Variants in SCP2 observed in about 807,000 individuals in gnomAD.
SCP2 encodes the protein SCP-2/3-oxoacyl-CoA thiolase.
A neutral mutation model predicts 71.4 loss-of-function variants in SCP2; 48 were observed. The ratio of observed to expected loss-of-function variants is 0.67; its 90% CI spans 0.53 to 0.86. SCP2 has a LOEUF of 0.86. SCP2 is among the 40% of genes least tolerant of loss of function. The pLI, the probability that SCP2 is intolerant of heterozygous loss-of-function variation, is 0.00. For missense variants in SCP2, 560 were observed against 655.6 expected (o/e 0.85, Z 1.59); for synonymous variants, 220 against 218.1 (o/e 1.01, Z -0.08).
At chr1:53,010,640 A>AG (rs1248285620) in intron 11 of SCP2, among the ~76,000 whole-genome samples, 1 of 152,226 alleles carries the variant, frequency 6.6e-6, no homozygotes, top group East Asian at 1.9e-4. Context: ...GGGTGGGGGA[A>AG]GGGGGAAGGG....
chr1:52,971,088 G>A (rs1334685526), intron 6 of SCP2, among the ~76,000 whole-genome samples: 3 of 144,166 alleles, frequency 2.1e-5, no homozygotes, highest in African/African-American at 5.2e-5. Flanking sequence ...CCATTCTCCC[G>A]CCTCAGCCTC....
At chr1:52,994,756 C>T in intron 11 of SCP2, 1 of 682,562 alleles carries the variant, frequency 1.5e-6, no homozygotes, top group Admixed American at 2.3e-5. Flanking sequence ...CCAGGCCTGT[C>T]AGTGTGGCAA....
At chr1:52,930,659 T>A (rs1043713078) in intron 1 of SCP2, among the ~76,000 whole-genome samples, 3 of 152,106 alleles carry the variant, frequency 2.0e-5, no homozygotes, top group Non-Finnish European at 4.4e-5. Context: ...CCTGCTAAAT[T>A]GATTTGGTCA....
intron 5 of SCP2, among the ~76,000 whole-genome samples, chr1:52,960,528 G>GTA (rs1326583891): frequency 2.1e-5 from 3 of 139,634 alleles, no homozygotes; most frequent in Admixed American, 7.3e-5. Context: ...GTATATGTGT[G>GTA]TATATATATG....
At chr1:53,001,135 A>G (rs190619892) in intron 11 of SCP2, among the ~76,000 whole-genome samples, 45 of 152,246 alleles carry the variant, frequency 3.0e-4, no homozygotes, top group Non-Finnish European at 5.0e-4. Flanking sequence ...GTTAGGATAT[A>G]CAAGGTAACT....
At chr1:53,040,076 A>G (rs1663311574) in intron 14 of SCP2, among the ~76,000 whole-genome samples, 1 of 152,102 alleles carries the variant, frequency 6.6e-6, no homozygotes, top group Non-Finnish European at 1.5e-5. Flanking sequence ...CCATCAACAC[A>G]TCTTGTCCTC....
intron 6 of SCP2, among the ~76,000 whole-genome samples, chr1:52,963,218 T>A (rs1238017823): frequency 1.3e-5 from 2 of 152,188 alleles, no homozygotes; most frequent in Non-Finnish European, 2.9e-5. Context: ...ACTATTTATG[T>A]TCATATATTT....
In SCP2 at chr1:53,038,897, A is replaced by G. The variant is rs145821714; in HGVS notation, c.1339-20A>G. On this transcript the variant is annotated intron_variant, in intron 13 of 15. Coordinates refer to ENST00000371514, the MANE Select transcript of SCP2 (RefSeq NM_002979.5). ...AGAGAAATGGACTTAATGTAACCCC[A>G]GTGTTATTTTTCTTTCCAGGAAGGG... The G allele has an allele frequency of 1.2e-6, 2 of 1,613,484 alleles. No individual in the cohort carries two copies. Among genetic ancestry groups the G allele is most frequent in the East Asian group, 2.2e-5 (1 of 44,880 alleles).
chr1:52,974,940 G>C, intron 7 of SCP2, 108 bp downstream of exon 7: 1 of 716,250 alleles, frequency 1.4e-6, no homozygotes. Context: ...ATTTTAACTA[G>C]AATGTTTTAT....
chr1:53,002,002 G>A lies in SCP2; in HGVS notation c.1082-12888G>A, dbSNP rs12569024. On this transcript the variant is annotated intron_variant, in intron 11 of 15. Coordinates refer to ENST00000371514, the MANE Select transcript of SCP2 (RefSeq NM_002979.5). ...GATCGAGACCATCCTGGCTAACATG[G>A]TGAAACCCCGTCTCTACTAAAAATT... Among the ~76,000 whole-genome samples the A allele has an allele frequency of 6.6e-5, 10 of 152,256 alleles. No homozygotes were observed. The East Asian group carries it at 1.4e-3, about 21-fold the overall frequency.
chr1:53,045,943 T>G (rs1663780113), intron 14 of SCP2, among the ~76,000 whole-genome samples: 1 of 142,234 alleles, frequency 7.0e-6, no homozygotes, highest in Non-Finnish European at 1.5e-5. Flanking sequence ...CATGAAATGA[T>G]ACAGTATGTA....
intron 14 of SCP2, among the ~76,000 whole-genome samples, chr1:53,047,339 G>A (rs1663884710): frequency 6.6e-6 from 1 of 152,214 alleles, no homozygotes; most frequent in African/African-American, 2.4e-5. Flanking sequence ...TTAGCTAGAA[G>A]CAAGTCACAG....
chr1:52,952,517 T>C (rs1332763494), intron 4 of SCP2, among the ~76,000 whole-genome samples: 1 of 152,192 alleles, frequency 6.6e-6, no homozygotes, highest in Non-Finnish European at 1.5e-5. Flanking sequence ...CCACATTTCT[T>C]CTACCTGTTT....
chr1:52,996,165 A>C, intron 11 of SCP2: 1 of 398,198 alleles, frequency 2.5e-6, no homozygotes, highest in African/African-American at 2.1e-5. Context: ...CGTAGTAGGC[A>C]CTCAATAAGT....
chr1:53,017,369 T>G (rs1661407034), intron 12 of SCP2, among the ~76,000 whole-genome samples: 1 of 152,196 alleles, frequency 6.6e-6, no homozygotes, highest in Non-Finnish European at 1.5e-5. Context: ...CCCTTCTCCT[T>G]CTCTTCTAGC....
At chr1:53,038,621 C>G (rs753272974) in intron 13 of SCP2, among the ~76,000 whole-genome samples, 1 of 152,000 alleles carries the variant, frequency 6.6e-6, no homozygotes, top group Non-Finnish European at 1.5e-5. Flanking sequence ...CCCAGGCTGG[C>G]CTCCAACTCT....
At chr1:52,994,954 A>G (rs187160516) in intron 11 of SCP2, 34 of 518,176 alleles carry the variant, frequency 6.6e-5, no homozygotes, top group African/African-American at 5.5e-4. Context: ...GGACTCTGCT[A>G]GCTCAGGCCC....
chr1:53,025,988 C>T (rs1464760233), intron 12 of SCP2, among the ~76,000 whole-genome samples: 2 of 152,168 alleles, frequency 1.3e-5, no homozygotes, highest in African/African-American at 2.4e-5. Context: ...TTAACATACT[C>T]CTTTCTCCCT....
At chr1:52,980,162 C>T (rs1467540794) in intron 9 of SCP2, among the ~76,000 whole-genome samples, 1 of 152,010 alleles carries the variant, frequency 6.6e-6, no homozygotes, top group Non-Finnish European at 1.5e-5. Context: ...TTTGTAGAGA[C>T]AGGATCTTCC....
Sources: allele counts gnomAD v4.1 joint callset (sites outside exome capture counted in the v4.1 genomes callset), GRCh38; gene constraint gnomAD v4.1.1; transcripts MANE v1.5; gene names NCBI Gene and HGNC (gene_info 2026-07-23, HGNC 2026-07-21).